SBNO2: variants seen among roughly 807,000 people sequenced by gnomAD.
SBNO2 encodes the protein strawberry notch homolog 2.
Under a neutral mutation model 146.3 loss-of-function variants are expected in SBNO2, and 89 were observed. The ratio of observed to expected loss-of-function variants is 0.61; its 90% confidence interval spans 0.51 to 0.73. The LOEUF is 0.73. Ranked by LOEUF, SBNO2 falls within the 30% of genes least tolerant of loss-of-function variation. SBNO2 has a pLI of 0.00. For synonymous variants in SBNO2, 1,147 were observed against 892.6 expected, an observed-to-expected ratio of 1.29 and a Z score of -5.08; for missense variants, 2,092 against 2,003.7, an observed-to-expected ratio of 1.04 and a Z score of -0.84.
chr19:1,133,357 G>T (rs1333051165), intron 4 of SBNO2, among the ~76,000 whole-genome samples: 1 of 152,146 alleles, frequency 6.6e-6, no homozygotes, highest in Non-Finnish European at 1.5e-5. Context: ...GGCTGGGCCG[G>T]AGGGCTCGGG....
In SBNO2 at chr19:1,126,061, C is replaced by T. The variant is rs976795222; in HGVS notation, c.441+1543G>A. Among the ~76,000 whole-genome samples, 1 of 152,186 alleles carries T rather than the reference C, an allele frequency of 6.6e-6. No individual in the cohort carries two copies. The highest frequency in any genetic ancestry group is 1.5e-5 in the Non-Finnish European group (1 of 68,038). On this transcript the variant is annotated intron_variant, in intron 5 of 31. Transcript: ENST00000361757. This position sits in a 1 kb window ranked among gnomAD's most constrained non-coding sequence, Gnocchi z 4.4. ...ACCCGGTCCCCCCCTTGAACTCCAA[C>T]GTCCTGAGACGGGTGAGGTTTCCGC...
Position 1,144,907 on chromosome 19 carries a change from GAT to G in SBNO2, c.279+2400_279+2401del, listed in dbSNP as rs2080174199. Among the ~76,000 whole-genome samples the G allele has an allele frequency of 1.7e-5, 2 of 118,386 alleles. No homozygotes were observed. The highest frequency in any genetic ancestry group is 9.5e-5 in the African/African-American group (2 of 21,012). 77.7% of individuals were successfully genotyped at this position (118,386 alleles called of 152,430 possible). On this transcript the variant is annotated intron_variant, in intron 4 of 31. Transcript: ENST00000361757. The surrounding 1 kb of genome is among the most constrained non-coding windows in gnomAD (Gnocchi z 4.1). ...AGGGAGACAGAGAGACAGAGGCGGA[GAT>G]GGAGACAGAGACAGAGAGACAGAGA...
Position 1,109,786 on chromosome 19 carries a change from G to T in SBNO2, c.3029-9C>A. ...GATACCGGGAGCAAGGTCTAGGGGG[G>T]CGGGTGGAGGGTAAGTGGTGTCCAG... On this transcript the variant is annotated splice_polypyrimidine_tract_variant and intron_variant, in intron 26 of 31. Coordinates refer to ENST00000361757, the MANE Select transcript of SBNO2 (RefSeq NM_014963.3). This position sits in a 1 kb window ranked among gnomAD's most constrained non-coding sequence, Gnocchi z 4.2. 1 of 1,566,274 alleles carries T rather than the reference G, an allele frequency of 6.4e-7. No individual in the cohort carries two copies. Among genetic ancestry groups the T allele is most frequent in the Non-Finnish European group, 8.7e-7 (1 of 1,149,786 alleles).
intron 7 of SBNO2, 49 bp downstream of exon 7, chr19:1,123,485 C>G (rs747538773): frequency 1.9e-6 from 3 of 1,539,750 alleles, no homozygotes; most frequent in Admixed American, 3.4e-5. Context: ...CTCGGTCCCA[C>G]AAAAGGGTTT....
At chr19:1,132,661 G>A (rs893693904) in intron 4 of SBNO2, among the ~76,000 whole-genome samples, 2 of 152,156 alleles carry the variant, frequency 1.3e-5, no homozygotes, top group Admixed American at 6.5e-5. Flanking sequence ...GCCCTGCTGC[G>A]CCCCCCTGGG....
At position 1,119,171 on chromosome 19, in the gene SBNO2, A is replaced by T; in HGVS notation, c.1374-7T>A. 6.3e-7 allele frequency: 1 copy of T among 1,591,700 alleles called. No individual in the cohort carries two copies. Among genetic ancestry groups the T allele is most frequent in the Non-Finnish European group, 8.5e-7 (1 of 1,171,864 alleles). On this transcript the variant is annotated splice_region_variant and splice_polypyrimidine_tract_variant and intron_variant, in intron 13 of 31. Coordinates refer to ENST00000361757, the MANE Select transcript of SBNO2 (RefSeq NM_014963.3). ...CTCCATGGCGCCAACGCCCCTGCGG[A>T]TGGACACAGCCCCCGTGAGCACGGC... is the stretch of plus-strand genomic sequence containing the variant.
At chr19:1,148,221 A>G (rs955220194) in intron 3 of SBNO2, among the ~76,000 whole-genome samples, 1 of 151,722 alleles carries the variant, frequency 6.6e-6, no homozygotes, top group Non-Finnish European at 1.5e-5. Context: ...ACCTGCTCCC[A>G]GGGCAGGGAC....
At chr19:1,142,205 TC>T (rs2080146563) in intron 4 of SBNO2, among the ~76,000 whole-genome samples, 14 of 63,778 alleles carry the variant, frequency 2.2e-4, no homozygotes, top group East Asian at 9.3e-4. Flanking sequence ...CTCAATGACC[TC>T]CCTCATGATC....
rs1293929636 is a variant in SBNO2, at chr19:1,173,893, A to G, written c.-127+279T>C. 8.0e-6 allele frequency: 1 copy of G among 125,284 alleles called. No homozygotes were observed. The highest frequency in any genetic ancestry group is 1.7e-5 in the Non-Finnish European group (1 of 58,722). The allele number at this position is 125,284 out of a possible 1,614,324, so 7.8% of individuals were successfully genotyped here. A position where few individuals can be genotyped will look rare whatever the true frequency, so the allele number is the denominator to read the frequency against. The stretch of plus-strand genomic sequence containing the variant: ...GAGGGTTGTCGTGGAAGGTAGGGTT[A>G]AGGTTCACGGCAGGGGGTCGCCGGG... On this transcript the variant is annotated intron_variant, in intron 1 of 31. Coordinates refer to ENST00000361757, the MANE Select transcript of SBNO2 (RefSeq NM_014963.3). This position sits in a 1 kb window ranked among gnomAD's most constrained non-coding sequence, Gnocchi z 4.7.
intron 1 of SBNO2, among the ~76,000 whole-genome samples, chr19:1,161,871 G>A (rs927896286): frequency 7.2e-6 from 1 of 139,146 alleles, no homozygotes; most frequent in African/African-American, 2.6e-5. Flanking sequence ...GGCCAGGAGG[G>A]TGAAAGCCGA....
At chr19:1,149,284 C>T (rs1030912061) in intron 3 of SBNO2, 85 bp downstream of exon 3, 54 of 1,297,230 alleles carry the variant, frequency 4.2e-5, no homozygotes, top group Middle Eastern at 1.8e-4. Context: ...TGGGCCCTCG[C>T]GCCCTGCACC....
intron 4 of SBNO2, among the ~76,000 whole-genome samples, chr19:1,133,924 A>T (rs1342716021): frequency 6.6e-6 from 1 of 152,220 alleles, no homozygotes; most frequent in East Asian, 1.9e-4. Flanking sequence ...GCGAATGGGG[A>T]GTAACAACCC....
Position 1,112,314 on chromosome 19 carries a change from C to T in SBNO2, c.2516-13G>A, listed in dbSNP as rs1164815976. 1 of 1,577,930 alleles carries T rather than the reference C, an allele frequency of 6.3e-7. No homozygotes were observed. Among genetic ancestry groups the T allele is most frequent in the Admixed American group, 1.8e-5 (1 of 55,186 alleles). On this transcript the variant is annotated splice_polypyrimidine_tract_variant and intron_variant, in intron 21 of 31. Coordinates refer to ENST00000361757, the MANE Select transcript of SBNO2 (RefSeq NM_014963.3). This position sits in a 1 kb window ranked among gnomAD's most constrained non-coding sequence, Gnocchi z 5.9. ...CGGTGGGTGCGGCCTGGGGGCAGAG[C>T]TGCTCTCAGGGCCCGGCCAGGCGGG...
At chr19:1,133,530 G>A (rs2080055221) in intron 4 of SBNO2, among the ~76,000 whole-genome samples, 3 of 152,224 alleles carry the variant, frequency 2.0e-5, no homozygotes, top group African/African-American at 4.8e-5. Flanking sequence ...CCGCAGCAGC[G>A]GAGGCTGGTG....
At chr19:1,160,933 C>T (rs921000730) in intron 1 of SBNO2, among the ~76,000 whole-genome samples, 3 of 151,166 alleles carry the variant, frequency 2.0e-5, no homozygotes, top group Admixed American at 6.6e-5. Context: ...GGGGCATTTG[C>T]TCTGGACGGC....
At chr19:1,165,713 T>C (rs111442064) in intron 1 of SBNO2, among the ~76,000 whole-genome samples, 7 of 38,212 alleles carry the variant, frequency 1.8e-4, no homozygotes, top group South Asian at 1.9e-3. Flanking sequence ...AGACCCCAGA[T>C]CTCAGACCCC....
chr19:1,153,686 C>T (rs1242038271), intron 2 of SBNO2, among the ~76,000 whole-genome samples: 2 of 151,226 alleles, frequency 1.3e-5, no homozygotes, highest in African/African-American at 4.9e-5. Flanking sequence ...TACAGGCGTC[C>T]GCCACCACGC....
At chr19:1,115,889 G>A (rs2079825305) in intron 17 of SBNO2, 132 bp downstream of exon 17, 1 of 764,846 alleles carries the variant, frequency 1.3e-6, no homozygotes, top group Non-Finnish European at 2.3e-6. Flanking sequence ...CCTTGAGCCT[G>A]CCTGGCACGG....
rs1276483374 is a variant in SBNO2 at position 1,112,685 on chromosome 19, C to T, written c.2379+133G>A. The T allele has an allele frequency of 1.4e-6, 2 of 1,434,718 alleles. No individual in the cohort carries two copies. The highest frequency in any genetic ancestry group is 1.4e-5 in the African/African-American group (1 of 70,180). 88.9% of individuals were successfully genotyped at this position (1,434,718 alleles called of 1,614,324 possible). ...TGCGGGGCGCGGACACCACCCGCCA[C>T]ACGGCCACTCGCGCCCGCACCTGGC... is the stretch of plus-strand genomic sequence containing the variant. On this transcript the variant is annotated intron_variant, in intron 20 of 31. Coordinates refer to ENST00000361757, the MANE Select transcript of SBNO2 (RefSeq NM_014963.3). The surrounding 1 kb of genome is among the most constrained non-coding windows in gnomAD (Gnocchi z 5.9).
Sources: allele counts gnomAD v4.1 joint callset (sites outside exome capture counted in the v4.1 genomes callset), GRCh38; gene constraint gnomAD v4.1.1; non-coding constraint Gnocchi (gnomAD v3.1); transcripts MANE v1.5; gene names NCBI Gene and HGNC (gene_info 2026-07-23, HGNC 2026-07-21).